Variants in DLGAP1 observed in about 807,000 individuals in gnomAD.
The protein encoded by DLGAP1 is DLG associated protein 1.
A neutral mutation model predicts 90.8 loss-of-function variants in DLGAP1; 11 were observed. That is an observed-to-expected ratio of 0.12 (90% confidence interval 0.08 to 0.20). DLGAP1 has a LOEUF of 0.20. DLGAP1 is among the 10% of genes least tolerant of loss of function. The probability of loss-of-function intolerance (pLI) is 1.00; values close to 1 mark genes in which losing one functional copy is unlikely to be tolerated. For synonymous variants in DLGAP1, 558 were observed against 540.7 expected, an observed-to-expected ratio of 1.03 and a Z score of -0.44; for missense variants, 1,050 against 1,333.8, an observed-to-expected ratio of 0.79 and a Z score of 3.31.
chr18:4,428,255 A>G (rs1235628701), intron 1 of DLGAP1, among the ~76,000 whole-genome samples: 1 of 152,156 alleles, frequency 6.6e-6, no homozygotes, highest in Non-Finnish European at 1.5e-5. Context: ...TGTCATCAAG[A>G]TAATGCATTA....
rs536429043 is a variant in DLGAP1 at position 4,343,224 on chromosome 18, G to A, written c.-267+111782C>T. 1.5e-3 allele frequency among the ~76,000 whole-genome samples: 226 copies of A among 151,266 alleles called. 1 individual carries two copies. Among genetic ancestry groups the A allele is most frequent in the African/African-American group, 5.1e-3 (211 of 41,244 alleles). On this transcript the variant is annotated intron_variant, in intron 1 of 12. Coordinates refer to ENST00000315677, the MANE Select transcript of DLGAP1 (RefSeq NM_004746.4). ...CGGGAGGCTGAGGCAGGAGAATGGC[G>A]TGAACCCAGGAGGCAGAGCTTGCAG...
intron 1 of DLGAP1, among the ~76,000 whole-genome samples, chr18:4,306,989 T>G: frequency 6.6e-6 from 1 of 152,348 alleles, no homozygotes; most frequent in East Asian, 1.9e-4. Context: ...AGGCATACAA[T>G]TTGATTTCAT....
chr18:3,527,506 A>T (rs1430894153), intron 10 of DLGAP1, among the ~76,000 whole-genome samples: 1 of 150,728 alleles, frequency 6.6e-6, no homozygotes, highest in Non-Finnish European at 1.5e-5. Context: ...ATGAACATGA[A>T]CATGGTTGTT....
At chr18:3,980,246 C>G (rs902183172) in intron 3 of DLGAP1, among the ~76,000 whole-genome samples, 4 of 152,128 alleles carry the variant, frequency 2.6e-5, no homozygotes. Context: ...GGGGTCTGAT[C>G]TCAGGCATCG....
At chr18:4,249,576 G>A (rs2078735136) in intron 1 of DLGAP1, among the ~76,000 whole-genome samples, 1 of 151,338 alleles carries the variant, frequency 6.6e-6, no homozygotes, top group South Asian at 2.1e-4. Flanking sequence ...TTCTGCATTT[G>A]TTTCTCAAGT....
intron 2 of DLGAP1, among the ~76,000 whole-genome samples, chr18:4,023,532 A>T (rs2074648989): frequency 6.6e-6 from 1 of 152,156 alleles, no homozygotes; most frequent in African/African-American, 2.4e-5. Flanking sequence ...TATTAACTTT[A>T]TTTTTATGTC....
rs1291125771 is a variant in DLGAP1 at position 3,517,949 on chromosome 18, G to A, written c.2480-9288C>T. On this transcript the variant is annotated intron_variant, in intron 10 of 12. Coordinates refer to ENST00000315677, the MANE Select transcript of DLGAP1 (RefSeq NM_004746.4). This position sits in a 1 kb window ranked among gnomAD's most constrained non-coding sequence, Gnocchi z 4.1. ...TCCATATCAACAAAAAGGCTGTTTC[G>A]CTTCCTTATCATTTGTATGTTCACT... is the stretch of plus-strand genomic sequence containing the variant. Among the ~76,000 whole-genome samples, 2 of 152,054 alleles carry A rather than the reference G, an allele frequency of 1.3e-5. No homozygotes were observed. Among genetic ancestry groups the A allele is most frequent in the East Asian group, 3.8e-4 (2 of 5,200 alleles).
chr18:4,370,458 G>A (rs1056316985), intron 1 of DLGAP1, among the ~76,000 whole-genome samples: 24 of 152,136 alleles, frequency 1.6e-4, no homozygotes, highest in African/African-American at 5.8e-4. Flanking sequence ...GAGATCACTT[G>A]GGCAAAGCAC....
At chr18:4,202,172 C>A (rs1431555123) in intron 1 of DLGAP1, among the ~76,000 whole-genome samples, 3 of 151,696 alleles carry the variant, frequency 2.0e-5, no homozygotes, top group Non-Finnish European at 4.4e-5. Context: ...TACTATTCAG[C>A]CATAAAAAGA....
intron 2 of DLGAP1, among the ~76,000 whole-genome samples, chr18:4,088,456 T>C (rs1303394662): frequency 6.6e-6 from 1 of 152,110 alleles, no homozygotes; most frequent in African/African-American, 2.4e-5. Flanking sequence ...TGTGTGTGTC[T>C]GTATACATTT....
chr18:3,562,399 G>A lies in DLGAP1; in HGVS notation c.2057+5091C>T, dbSNP rs117086325. On this transcript the variant is annotated intron_variant, in intron 9 of 12. Transcript: ENST00000315677. ...ATTGTAACTCCCACAATTCCCACCCGTTGTGGGAGGAACCTGGCAGGAGGT... is the reference window on the plus strand; with the variant it reads ...ATTGTAACTCCCACAATTCCCACCCATTGTGGGAGGAACCTGGCAGGAGGT... 0.012 allele frequency among the ~76,000 whole-genome samples: 1,817 copies of A among 152,152 alleles called. 115 individuals carry two copies. The East Asian group carries it at 0.2, about 17-fold the overall frequency.
intron 2 of DLGAP1, among the ~76,000 whole-genome samples, chr18:4,090,842 C>T (rs1598386037): frequency 5.3e-5 from 8 of 152,154 alleles, no homozygotes; most frequent in Admixed American, 5.2e-4. Flanking sequence ...GGAATCAATC[C>T]AAATGTCCAT....
chr18:4,219,821 C>T (rs1303975246), intron 1 of DLGAP1, among the ~76,000 whole-genome samples: 1 of 151,892 alleles, frequency 6.6e-6, no homozygotes, highest in Non-Finnish European at 1.5e-5. Context: ...GTGTTTCTAT[C>T]CTGTTTTATT....
At chr18:3,725,588 TCCTCCTCTAATATTA>T (rs1156456693) in intron 7 of DLGAP1, among the ~76,000 whole-genome samples, 1 of 152,196 alleles carries the variant, frequency 6.6e-6, no homozygotes, top group African/African-American at 2.4e-5. Context: ...CTCTAATATT[TCCTCCTCTAATATTA>T]ATCTAATAGT....
intron 7 of DLGAP1, among the ~76,000 whole-genome samples, chr18:3,719,248 T>C (rs1568010026): frequency 6.6e-6 from 1 of 150,574 alleles, no homozygotes; most frequent in South Asian, 2.1e-4. Context: ...TAGTGGTGGA[T>C]ACAGAAATCT....
intron 1 of DLGAP1, among the ~76,000 whole-genome samples, chr18:4,284,538 G>A: frequency 6.6e-6 from 1 of 152,172 alleles, no homozygotes; most frequent in Non-Finnish European, 1.5e-5. Flanking sequence ...GCACCACTGT[G>A]GCCTTTGATG....
chr18:3,865,002 T>C (rs1351152133), intron 4 of DLGAP1, among the ~76,000 whole-genome samples: 5 of 152,050 alleles, frequency 3.3e-5, no homozygotes, highest in South Asian at 2.1e-4. Flanking sequence ...GAGGCTCATG[T>C]ACCAAGCAGA....
At chr18:3,763,729 T>C (rs2064083373) in intron 5 of DLGAP1, among the ~76,000 whole-genome samples, 1 of 151,884 alleles carries the variant, frequency 6.6e-6, no homozygotes, top group African/African-American at 2.4e-5. Context: ...AATGGCGTGA[T>C]CTCGTCTCAC....
chr18:3,741,002 C>CTAT (rs2062902647), intron 6 of DLGAP1, among the ~76,000 whole-genome samples: 1 of 118,460 alleles, frequency 8.4e-6, no homozygotes, highest in South Asian at 3.1e-4. Context: ...CATCACCTCA[C>CTAT]CACCACCACC....
Sources: allele counts gnomAD v4.1 joint callset (sites outside exome capture counted in the v4.1 genomes callset), GRCh38; gene constraint gnomAD v4.1.1; non-coding constraint Gnocchi (gnomAD v3.1); transcripts MANE v1.5; gene names NCBI Gene and HGNC (gene_info 2026-07-23, HGNC 2026-07-21).